COPG2: variants seen among roughly 807,000 people sequenced by gnomAD.
COPG2 encodes coat protein complex I subunit gamma 2.
In COPG2, 37 loss-of-function variants were observed where a neutral mutation model predicts 46.3. The observed-to-expected ratio is 0.80, with a 90% CI of 0.61 to 1.05. The LOEUF (loss-of-function observed/expected upper bound fraction) is 1.05, where lower values mean the gene tolerates loss of function less well. Ranked by LOEUF, COPG2 falls within the 50% of genes least tolerant of loss-of-function variation. The probability of loss-of-function intolerance (pLI) is 0.00; values close to 1 mark genes in which losing one functional copy is unlikely to be tolerated. For synonymous variants in COPG2, 159 were observed against 129.7 expected, an observed-to-expected ratio of 1.23 and a Z score of -1.53; for missense variants, 427 against 387.8, an observed-to-expected ratio of 1.10 and a Z score of -0.85.
At chr7:130,508,536 A>G (rs1563031904) in intron 21 of COPG2, 26 bp downstream of exon 21, 1 of 757,690 alleles carries the variant, frequency 1.3e-6, no homozygotes, top group Non-Finnish European at 2.5e-6. Context: ...GGTGTCAAAG[A>G]AAGTCTCTAT....
chr7:130,578,677 A>G (rs1162759337), intron 9 of COPG2, among the ~76,000 whole-genome samples: 6 of 152,228 alleles, frequency 3.9e-5, no homozygotes, highest in Non-Finnish European at 8.8e-5. Context: ...CTGAAAACCA[A>G]GGCCCGAGAA....
At chr7:130,511,089 C>A in intron 20 of COPG2, 1 of 435,660 alleles carries the variant, frequency 2.3e-6, no homozygotes, top group South Asian at 1.7e-5. Context: ...TAGATGCTGG[C>A]AGCTAAGACA....
At chr7:130,642,539 G>A (rs1795513382) in intron 5 of COPG2, among the ~76,000 whole-genome samples, 1 of 152,060 alleles carries the variant, frequency 6.6e-6, no homozygotes, top group Admixed American at 6.5e-5. Flanking sequence ...CAACATAAAT[G>A]TTTTAGAAGT....
chr7:130,610,847 C>A (rs1301492455), intron 9 of COPG2, 106 bp downstream of exon 9: 16 of 1,082,696 alleles, frequency 1.5e-5, no homozygotes, highest in Non-Finnish European at 2.3e-5. Context: ...TTGAACTCAT[C>A]TGTAAAGTTA....
rs1247715458 is a variant in COPG2, at chr7:130,608,638, C to T, written c.737+2315G>A. ...AATTTTAAGATGTCCATTATCCTCT[C>T]GTATCCATTTTTCTAATGAGAAGTC... is the stretch of plus-strand genomic sequence containing the variant. On this transcript the variant is annotated intron_variant, in intron 9 of 23. Coordinates refer to ENST00000425248, the MANE Select transcript of COPG2 (RefSeq NM_012133.6). 2.6e-5 allele frequency among the ~76,000 whole-genome samples: 4 copies of T among 152,072 alleles called. No individual in the cohort carries two copies. In the East Asian group the frequency reaches 5.8e-4, roughly 22 times the overall value.
At chr7:130,639,153 A>C (rs1189779861) in intron 5 of COPG2, among the ~76,000 whole-genome samples, 1 of 152,222 alleles carries the variant, frequency 6.6e-6, no homozygotes, top group Admixed American at 6.5e-5. Flanking sequence ...TGGGAGCTGG[A>C]GACCAGAGCT....
At chr7:130,562,418 T>C (rs976401666) in intron 11 of COPG2, among the ~76,000 whole-genome samples, 145 of 152,354 alleles carry the variant, frequency 9.5e-4, no homozygotes, top group Non-Finnish European at 1.6e-3. Context: ...GTTTCTTCCA[T>C]GGCTGCTCTA....
chr7:130,665,041 C>T (rs782173012), intron 3 of COPG2, among the ~76,000 whole-genome samples: 4 of 150,954 alleles, frequency 2.6e-5, no homozygotes, highest in African/African-American at 4.9e-5. Flanking sequence ...ATTAGCCAGG[C>T]GTGGTGGTGC....
At chr7:130,614,681 A>G (rs538527044) in intron 6 of COPG2, among the ~76,000 whole-genome samples, 133 of 152,326 alleles carry the variant, frequency 8.7e-4, no homozygotes, top group Admixed American at 1.7e-3. Flanking sequence ...AAATGTTTCA[A>G]TAAGAGGGCC....
At position 130,668,637 on chromosome 7, in the gene COPG2, T is replaced by A; in HGVS notation, c.32A>T (p.Glu11Val). The A allele has an allele frequency of 1.9e-6, 3 of 1,540,038 alleles. No homozygotes were observed. The highest frequency in any genetic ancestry group is 2.6e-6 in the Non-Finnish European group (3 of 1,145,708). Residue 11 changes from glutamate (E) to valine (V), a missense_variant, in exon 1 of 24, where the codon GAG (glutamate) becomes GTG (valine). Glu to Val is a moderately radical substitution (Grantham distance 121). Coordinates refer to ENST00000425248, the MANE Select transcript of COPG2 (RefSeq NM_012133.6). MIKKFDKKDE[E>V]SGSGSNPFQH... is the part of the protein sequence containing the mutation. ...CTCGGAAGCCCCGCGCGTACCAGAC[T>A]CCTCGTCCTTCTTGTCGAATTTTTT...
intron 20 of COPG2, chr7:130,547,014 G>C (rs1793454851): frequency 6.6e-6 from 1 of 152,144 alleles, no homozygotes; most frequent in Admixed American, 6.5e-5. Flanking sequence ...GAATCAAGTA[G>C]AATAAATACT....
intron 20 of COPG2, among the ~76,000 whole-genome samples, chr7:130,542,660 A>G (rs1026029819): frequency 3.9e-4 from 59 of 152,224 alleles, no homozygotes; most frequent in Non-Finnish European, 6.3e-4. Flanking sequence ...CTGTGTGTAG[A>G]CTGTGCAAAT....
intron 6 of COPG2, among the ~76,000 whole-genome samples, chr7:130,614,204 T>C (rs1794905730): frequency 6.6e-6 from 1 of 152,152 alleles, no homozygotes; most frequent in African/African-American, 2.4e-5. Context: ...TGGTGGCAGA[T>C]AAAGATGAGT....
intron 4 of COPG2, among the ~76,000 whole-genome samples, chr7:130,657,507 T>A (rs1281310700): frequency 6.6e-6 from 1 of 152,086 alleles, no homozygotes. Flanking sequence ...ATAAAAAGCA[T>A]CACCTGTAAC....
rs1239118687 is a variant in COPG2, at chr7:130,541,533, G to A, written c.2149+6141C>T. Reference sequence around the variant, plus strand: ...TGTGTATGGGGTGGGAGATGAGGACGGGCAGAGAGCGAGACACGAGTGAGT... The same window carrying A: ...TGTGTATGGGGTGGGAGATGAGGACAGGCAGAGAGCGAGACACGAGTGAGT... On this transcript the variant is annotated intron_variant, in intron 20 of 23. Coordinates refer to ENST00000425248, the MANE Select transcript of COPG2 (RefSeq NM_012133.6). Among the ~76,000 whole-genome samples, 5 of 152,168 alleles carry A rather than the reference G, an allele frequency of 3.3e-5. No homozygotes were observed. The East Asian group carries it at 5.8e-4, about 18-fold the overall frequency.
intron 20 of COPG2, among the ~76,000 whole-genome samples, chr7:130,545,050 G>A (rs1438035305): frequency 6.6e-6 from 1 of 152,164 alleles, no homozygotes; most frequent in Non-Finnish European, 1.5e-5. Context: ...TAGAGGGTAT[G>A]TGTCTTTTGA....
At chr7:130,595,316 A>C (rs1473900224) in intron 9 of COPG2, among the ~76,000 whole-genome samples, 1 of 152,242 alleles carries the variant, frequency 6.6e-6, no homozygotes, top group Admixed American at 6.5e-5. Flanking sequence ...AGGCAAATCC[A>C]GAGACAAAAA....
At chr7:130,640,158 C>CTTTTTTTTTTTT (rs11431866) in intron 5 of COPG2, among the ~76,000 whole-genome samples, 1 of 96,456 alleles carries the variant, frequency 1.0e-5, no homozygotes, top group Non-Finnish European at 2.0e-5. Flanking sequence ...CACCACCAAC[C>CTTTTTTTTTTTT]TTTTTTTTTT....
chr7:130,550,501 A>G (rs1793520991), intron 17 of COPG2, 23 bp downstream of exon 17: 1 of 393,886 alleles, frequency 2.5e-6, no homozygotes, highest in Non-Finnish European at 4.5e-6. Flanking sequence ...CTACTTATAC[A>G]CAGAAAAATG....
Sources: gnomAD v4.1 joint callset for allele counts (sites outside exome capture counted in the v4.1 genomes callset) on GRCh38, gnomAD v4.1.1 for gene constraint, MANE v1.5 for transcripts, NCBI Gene and HGNC (gene_info 2026-07-23, HGNC 2026-07-21) for gene names.